PRIM1: variants seen among roughly 807,000 people sequenced by gnomAD.
PRIM1 encodes DNA primase subunit 1.
PRIM1 carries 38 observed loss-of-function variants against 60.2 expected under a neutral mutation model. That is an observed-to-expected ratio of 0.63 (90% CI 0.49 to 0.83). The LOEUF is 0.83. PRIM1 is among the 40% of genes least tolerant of loss of function. The probability of loss-of-function intolerance (pLI) is 0.00; values close to 1 mark genes in which losing one functional copy is unlikely to be tolerated. For synonymous variants in PRIM1, 158 were observed against 160.2 expected (o/e 0.99, Z 0.10); for missense variants, 388 against 506.2 (o/e 0.77, Z 2.24).
At chr12:56,733,746 C>T (rs1360523251) in intron 12 of PRIM1, among the ~76,000 whole-genome samples, 1 of 151,880 alleles carries the variant, frequency 6.6e-6, no homozygotes, top group Non-Finnish European at 1.5e-5. Context: ...CCTGCCACCA[C>T]GCCCAGCTAA....
chr12:56,752,161 A>T (rs772114833), intron 1 of PRIM1, 35 bp downstream of exon 1: 160 of 1,471,598 alleles, frequency 1.1e-4, no homozygotes, highest in Non-Finnish European at 1.4e-4. Context: ...ACCTCCTCAC[A>T]CTCCGCTCCC....
In PRIM1 at chr12:56,736,298, T is replaced by TAAAAAAAAAAAA. The variant is rs756452647; in HGVS notation, c.1145-2065_1145-2054dup. On this transcript the variant is annotated intron_variant, in intron 11 of 12. Coordinates refer to ENST00000338193, the MANE Select transcript of PRIM1 (RefSeq NM_000946.3). ...GGGTGACAGAGTAAGACTCTTTCTC[T>TAAAAAAAAAAAA]AAAAAAAAAAAAAAAAAAAAAAAAA... Among the ~76,000 whole-genome samples, 69 of 24,320 alleles carry TAAAAAAAAAAAA rather than the reference T, an allele frequency of 2.8e-3. 8 individuals carry two copies. The highest frequency in any genetic ancestry group is 6.5e-3 in the African/African-American group (29 of 4,442). 16.0% of individuals were successfully genotyped at this position (24,320 alleles called of 152,430 possible).
At chr12:56,736,695 G>A (rs1953835401) in intron 11 of PRIM1, among the ~76,000 whole-genome samples, 1 of 151,974 alleles carries the variant, frequency 6.6e-6, no homozygotes, top group Admixed American at 6.6e-5. Context: ...GTAGAGACGG[G>A]GTTTAACCGT....
chr12:56,738,445 T>A lies in PRIM1; in HGVS notation c.1133A>T (p.His378Leu). The A allele has an allele frequency of 6.3e-7, 1 of 1,580,688 alleles. No homozygotes were observed. Among genetic ancestry groups the A allele is most frequent in the Non-Finnish European group, 8.6e-7 (1 of 1,161,578 alleles). The part of the protein sequence containing the change: ...EENEAESDVK[H>L]RTRDYKKTSL... The stretch of plus-strand genomic sequence containing the variant: ...AAATATTACCTTACCTCTGGTTCTA[T>A]GTTTGACATCAGATTCAGCTTCATT... Residue 378 changes from histidine to leucine, a missense_variant, in exon 11 of 13, where the codon CAT (histidine) becomes CTT (leucine). Physicochemically the swap from His to Leu is moderately conservative, Grantham distance 99. Around this residue, in one of 3 missense-constraint regions of PRIM1, gnomAD observed 211 missense variants for 277.9 expected, o/e 0.76. Transcript: ENST00000338193.
At chr12:56,747,216 T>G (rs1219552892) in intron 2 of PRIM1, among the ~76,000 whole-genome samples, 184 bp from the exon 3 acceptor site, 7 of 152,224 alleles carry the variant, frequency 4.6e-5, no homozygotes, top group Non-Finnish European at 1.0e-4. Flanking sequence ...AGTCTTAACT[T>G]TCACCAACTT....
intron 7 of PRIM1, chr12:56,742,069 A>G (rs567848644): frequency 2.0e-6 from 1 of 499,208 alleles, no homozygotes; most frequent in Non-Finnish European, 3.6e-6. Context: ...CCTGGCCAAC[A>G]TGGTGAAACC....
At chr12:56,733,037 T>G (rs1271930794) in intron 12 of PRIM1, among the ~76,000 whole-genome samples, 4 of 150,420 alleles carry the variant, frequency 2.7e-5, no homozygotes, top group Non-Finnish European at 4.4e-5. Context: ...GTATTTTTAG[T>G]AGAGACGGGG....
intron 2 of PRIM1, among the ~76,000 whole-genome samples, chr12:56,748,195 G>A (rs1180607668): frequency 1.3e-5 from 2 of 152,110 alleles, no homozygotes; most frequent in East Asian, 1.9e-4. Context: ...TGAAGAGTGT[G>A]TTGTATTGAT....
chr12:56,740,800 T>G (rs529543385), intron 9 of PRIM1, among the ~76,000 whole-genome samples: 2 of 152,228 alleles, frequency 1.3e-5, no homozygotes, highest in South Asian at 2.1e-4. Flanking sequence ...GGAGTAGAGT[T>G]CATTTCATTT....
At chr12:56,746,358 T>C (rs1468739586) in intron 4 of PRIM1, 177 bp from the exon 5 acceptor site, 1 of 844,720 alleles carries the variant, frequency 1.2e-6, no homozygotes, top group Non-Finnish European at 1.9e-6. Flanking sequence ...TTAGGCCAGG[T>C]GTGGTAGCTC....
intron 7 of PRIM1, 50 bp from the exon 8 acceptor site, chr12:56,741,887 T>C (rs1177016398): frequency 4.6e-6 from 7 of 1,516,958 alleles, no homozygotes; most frequent in Admixed American, 1.7e-5. Context: ...CAATGAACAA[T>C]TTAGTTTTAA....
At position 56,745,137 on chromosome 12, in the gene PRIM1, T is replaced by A. The variant is rs1953897604; in HGVS notation, c.579+908A>T. On this transcript the variant is annotated intron_variant, in intron 5 of 12. Coordinates refer to ENST00000338193, the MANE Select transcript of PRIM1 (RefSeq NM_000946.3). ...AAAAAAAAAAAATTTGTAGGCTGGA[T>A]GTAGTGGCTCACACCTGTAATCTCA... Among the ~76,000 whole-genome samples the A allele has an allele frequency of 4.0e-5, 6 of 149,678 alleles. 1 individual carries two copies. The highest frequency in any genetic ancestry group is 4.0e-4 in the Admixed American group (6 of 14,992).
At chr12:56,739,562 CTT>C (rs1953857404) in intron 9 of PRIM1, among the ~76,000 whole-genome samples, 199 bp from the exon 10 acceptor site, 2 of 152,168 alleles carry the variant, frequency 1.3e-5, no homozygotes, top group African/African-American at 4.8e-5. Context: ...TAATGCCTCA[CTT>C]TGTCACCCAT....
At chr12:56,740,807 ATTTC>A (rs1351214256) in intron 9 of PRIM1, among the ~76,000 whole-genome samples, 3 of 151,488 alleles carry the variant, frequency 2.0e-5, no homozygotes, top group Non-Finnish European at 4.4e-5. Flanking sequence ...AGTTCATTTC[ATTTC>A]TTTCTTTTTT....
intron 2 of PRIM1, among the ~76,000 whole-genome samples, chr12:56,750,150 G>A (rs963158167): frequency 1.3e-5 from 2 of 152,186 alleles, no homozygotes; most frequent in Non-Finnish European, 2.9e-5. Flanking sequence ...TCAGTGAAAT[G>A]AGCAGCCACC....
rs7137357 is a variant in PRIM1 at position 56,743,200 on chromosome 12, C to T, written c.639-104G>A. ...GGAAAACTACTGCTTATTTTCATGA[C>T]ATTTTCAGAACTTAACTAGGTAAAA... On this transcript the variant is annotated intron_variant, in intron 6 of 12. Transcript: ENST00000338193. 260 of 1,302,118 alleles carry T rather than the reference C, an allele frequency of 2.0e-4. No individual in the cohort carries two copies. In the African/African-American group the frequency reaches 3.7e-3, roughly 18 times the overall value. 80.7% of individuals were successfully genotyped at this position (1,302,118 alleles called of 1,614,324 possible). A position where few individuals can be genotyped will look rare whatever the true frequency, so the allele number is the denominator to read the frequency against.
In PRIM1 at chr12:56,747,016, G is replaced by A. The variant is rs762851585; in HGVS notation, c.278C>T (p.Thr93Ile). 1 of 1,612,160 alleles carries A rather than the reference G, an allele frequency of 6.2e-7. No homozygotes were observed. The highest frequency in any genetic ancestry group is 8.5e-7 in the Non-Finnish European group (1 of 1,178,672). The change falls in exon 3 of 13, where the codon ACA becomes ATA. Residue 93 changes from threonine (T) to isoleucine (I), a missense_variant. Physicochemically the swap from Thr to Ile is moderately conservative, Grantham distance 89. Transcript: ENST00000338193. Reference protein sequence around the residue: ...VYSHRPNQHNTVKLGAFQAQE... With the variant: ...VYSHRPNQHNIVKLGAFQAQE... ...AGCCTGGAAAGCTCCCAGCTTCACT[G>A]TATTGTGTTGATTGGGCTACAGATA...
chr12:56,746,443 C>A (rs1953907677), intron 4 of PRIM1: 1 of 605,924 alleles, frequency 1.7e-6, no homozygotes, highest in Admixed American at 2.4e-5. Context: ...CCAGCCTGAC[C>A]AACATGGTGA....
chr12:56,736,166 C>A (rs1009073172), intron 11 of PRIM1, among the ~76,000 whole-genome samples: 1 of 150,126 alleles, frequency 6.7e-6, no homozygotes, highest in African/African-American at 2.4e-5. Flanking sequence ...GACGTCGTGG[C>A]GGGCACCTGT....
Sources: gnomAD v4.1 joint callset for allele counts (sites outside exome capture counted in the v4.1 genomes callset) on GRCh38, gnomAD v4.1.1 for gene constraint, gnomAD v4.1.1 regional missense constraint, MANE v1.5 for transcripts, NCBI Gene and HGNC (gene_info 2026-07-23, HGNC 2026-07-21) for gene names.